The following NUFIP2 variants were observed in gnomAD, a reference collection of about 807,000 sequenced individuals.
NUFIP2 encodes nuclear FMR1 interacting protein 2.
In NUFIP2, 6 loss-of-function variants were observed where a neutral mutation model predicts 56.9. That is an observed-to-expected ratio of 0.11 (90% CI 0.06 to 0.21). The LOEUF (loss-of-function observed/expected upper bound fraction) is 0.21. Ranked by LOEUF, NUFIP2 falls within the 10% of genes least tolerant of loss-of-function variation. NUFIP2 has a pLI of 1.00. For synonymous variants in NUFIP2, 321 were observed against 298.2 expected (o/e 1.08, Z -0.79); for missense variants, 828 against 826.8 (o/e 1.00, Z -0.02).
At chr17:29,272,711 T>C (rs1050473860) in intron 2 of NUFIP2, among the ~76,000 whole-genome samples, 1 of 152,214 alleles carries the variant, frequency 6.6e-6, no homozygotes, top group African/African-American at 2.4e-5. Context: ...TTTGGAATGT[T>C]TCCATTATAT....
chr17:29,270,045 T>G (rs2069062525), intron 2 of NUFIP2, among the ~76,000 whole-genome samples: 1 of 152,102 alleles, frequency 6.6e-6, no homozygotes, highest in Non-Finnish European at 1.5e-5. Flanking sequence ...AAAAAATATT[T>G]TTTACAGTAC....
At chr17:29,285,547 C>T (rs1414904234) in intron 2 of NUFIP2, among the ~76,000 whole-genome samples, 2 of 151,946 alleles carry the variant, frequency 1.3e-5, no homozygotes, top group East Asian at 1.9e-4. Flanking sequence ...GCCGGGATTA[C>T]GCCACTGCAC....
Position 29,288,200 on chromosome 17 carries a change from C to T in NUFIP2, c.278-484G>A, listed in dbSNP as rs548536732. ...CTGGGACTACAGGCGCCCACCACCA[C>T]GCTCGGCTAATTCTTTTTGTATTTT... On this transcript the variant is annotated intron_variant, in intron 1 of 3. Transcript: ENST00000225388. Among the ~76,000 whole-genome samples, 23 of 152,340 alleles carry T rather than the reference C, an allele frequency of 1.5e-4. No homozygotes were observed. In the South Asian group the frequency reaches 3.5e-3, roughly 23 times the overall value.
intron 3 of NUFIP2, among the ~76,000 whole-genome samples, chr17:29,265,275 GTTTTTA>G (rs1364121945): frequency 6.0e-5 from 9 of 149,174 alleles, no homozygotes; most frequent in Non-Finnish European, 1.2e-4. Context: ...GAGGGGAACT[GTTTTTA>G]TTTTTATTTT....
chr17:29,288,731 T>C (rs1277244388), intron 1 of NUFIP2, among the ~76,000 whole-genome samples: 1 of 152,234 alleles, frequency 6.6e-6, no homozygotes, highest in African/African-American at 2.4e-5. Context: ...CGCCAGTCTA[T>C]CTGCAATCCA....
In NUFIP2 at chr17:29,256,556, C is replaced by T. The variant is rs1489814586; in HGVS notation, c.*7983G>A. The stretch of plus-strand genomic sequence containing the variant: ...AACCCTCTTCTGTATATTGAAAAAG[C>T]TATAAAATGGAAATATTTATTTTTT... On this transcript the variant is annotated 3_prime_UTR_variant, in exon 4 of 4. Coordinates refer to ENST00000225388, the MANE Select transcript of NUFIP2 (RefSeq NM_020772.3). The T allele has an allele frequency of 6.6e-6, 1 of 151,762 alleles. No individual in the cohort carries two copies. The highest frequency in any genetic ancestry group is 1.5e-5 in the Non-Finnish European group (1 of 67,974). 9.4% of individuals were successfully genotyped at this position (151,762 alleles called of 1,614,324 possible).
chr17:29,283,111 A>T (rs2069150239), intron 2 of NUFIP2, among the ~76,000 whole-genome samples: 1 of 152,156 alleles, frequency 6.6e-6, no homozygotes, highest in South Asian at 2.1e-4. Flanking sequence ...ACCTACAGCA[A>T]ATTTTTTCAT....
Position 29,287,235 on chromosome 17 carries a change from G to C in NUFIP2, c.759C>G (p.Thr253=), listed in dbSNP as rs1186931000. The C allele has an allele frequency of 1.2e-6, 2 of 1,614,010 alleles. No homozygotes were observed. Among genetic ancestry groups the C allele is most frequent in the Non-Finnish European group, 1.7e-6 (2 of 1,180,048 alleles). The change falls in exon 2 of 4, where the codon ACC becomes ACG. Residue 253 remains threonine (T), a synonymous_variant. Transcript: ENST00000225388. ...KIMQQETSVP[T]LKQGLETFKP... is the part of the protein sequence containing the mutation. ...TGAAAGTTTCAAGTCCCTGTTTTAA[G>C]GTTGGGACACTGGTCTCTTGTTGCA...
At position 29,258,825 on chromosome 17, in the gene NUFIP2, T is replaced by C. The variant is rs1162267723; in HGVS notation, c.*5714A>G. 1 of 152,190 alleles carries C rather than the reference T, an allele frequency of 6.6e-6. No individual in the cohort carries two copies. The highest frequency in any genetic ancestry group is 2.4e-5 in the African/African-American group (1 of 41,434). The allele number at this position is 152,190 out of a possible 1,614,324, so 9.4% of individuals were successfully genotyped here. A position where few individuals can be genotyped will look rare whatever the true frequency, so the allele number is the denominator to read the frequency against. ...GGTATATAGTAATGTAAAAAGTGCA[T>C]CACATTCTTGATTTTCAGTTTCTCA... is the stretch of plus-strand genomic sequence containing the variant. On this transcript the variant is annotated 3_prime_UTR_variant, in exon 4 of 4. Transcript: ENST00000225388.
At chr17:29,267,436 C>T (rs1270917469) in intron 3 of NUFIP2, 62 bp downstream of exon 3, 2 of 915,904 alleles carry the variant, frequency 2.2e-6, no homozygotes, top group Non-Finnish European at 3.4e-6. Flanking sequence ...GTTAATCCCA[C>T]CCAAAAATAA....
At chr17:29,273,700 TAA>T (rs943265344) in intron 2 of NUFIP2, among the ~76,000 whole-genome samples, 1 of 152,212 alleles carries the variant, frequency 6.6e-6, no homozygotes, top group African/African-American at 2.4e-5. Flanking sequence ...AGAACCTAAG[TAA>T]AAGTTTTTGC....
chr17:29,283,857 C>G (rs945957365), intron 2 of NUFIP2, among the ~76,000 whole-genome samples: 1 of 152,226 alleles, frequency 6.6e-6, no homozygotes, highest in African/African-American at 2.4e-5. Context: ...AAGAGCAGAG[C>G]TGGAGAATAA....
In NUFIP2 at chr17:29,293,817, G is replaced by C. The variant is rs1300013075; in HGVS notation, c.243C>G (p.Leu81=). The part of the protein sequence containing the change: ...KPLKHEQKHT[L]QQHQETPKKK... ...TCTTCGGCGTTTCCTGGTGCTGCTG[G>C]AGGGTGTGTTTCTGCTCATGTTTCA... The change falls in exon 1 of 4, where the codon CTC becomes CTG. Residue 81 remains leucine (L), a synonymous_variant. Coordinates refer to ENST00000225388, the MANE Select transcript of NUFIP2 (RefSeq NM_020772.3). 6.2e-7 allele frequency: 1 copy of C among 1,602,110 alleles called. No homozygotes were observed.
At chr17:29,284,597 G>A (rs949327209) in intron 2 of NUFIP2, among the ~76,000 whole-genome samples, 2 of 150,398 alleles carry the variant, frequency 1.3e-5, no homozygotes, top group African/African-American at 2.4e-5. Flanking sequence ...TCCCAGCTAC[G>A]TGGGAGGCTG....
intron 3 of NUFIP2, among the ~76,000 whole-genome samples, chr17:29,265,711 TA>T (rs35098158): frequency 0.57 from 63,972 of 111,818 alleles, 17,244 homozygotes; most frequent in East Asian, 0.79. Context: ...TATACATGCT[TA>T]AAAAAAAAAA....
chr17:29,266,221 C>T (rs907753108), intron 3 of NUFIP2, among the ~76,000 whole-genome samples: 4 of 152,194 alleles, frequency 2.6e-5, no homozygotes, highest in Non-Finnish European at 5.9e-5. Context: ...CCTGCCTCCG[C>T]CTCCCAAAGT....
At position 29,265,310 on chromosome 17, in the gene NUFIP2, T is replaced by A. The variant is rs7212006; in HGVS notation, c.2036-719A>T. Reference sequence around the variant, plus strand: ...TTATTTTTTTATTTTATTTTATTTTTTTTTTTTTTTGAGACGGAGTCTCGC... The same window carrying A: ...TTATTTTTTTATTTTATTTTATTTTATTTTTTTTTTGAGACGGAGTCTCGC... On this transcript the variant is annotated intron_variant, in intron 3 of 3. Coordinates refer to ENST00000225388, the MANE Select transcript of NUFIP2 (RefSeq NM_020772.3). Among the ~76,000 whole-genome samples the A allele has an allele frequency of 9.9e-3, 1,273 of 128,804 alleles. 15 individuals are homozygous for A. Among genetic ancestry groups the A allele is most frequent in the African/African-American group, 0.029 (1,028 of 35,890 alleles). 84.5% of individuals were successfully genotyped at this position (128,804 alleles called of 152,430 possible). A position where few individuals can be genotyped will look rare whatever the true frequency, so the allele number is the denominator to read the frequency against.
intron 1 of NUFIP2, among the ~76,000 whole-genome samples, chr17:29,292,607 C>A (rs1477738130): frequency 6.7e-6 from 1 of 150,154 alleles, no homozygotes; most frequent in Non-Finnish European, 1.5e-5. Context: ...CCCCCCGCCG[C>A]CCCCCCAGGC....
Position 29,268,701 on chromosome 17 carries a change from T to A in NUFIP2, c.2003-1171A>T, listed in dbSNP as rs533582898. Among the ~76,000 whole-genome samples the A allele has an allele frequency of 2.6e-3, 394 of 150,678 alleles. 1 individual carries two copies. Among genetic ancestry groups the A allele is most frequent in the South Asian group, 6.9e-3 (33 of 4,754 alleles). ...CTCAGATAATTTTGTATATATATATTTTTTTTTAGTAGAGAGGGGGTTTCT... is the reference window on the plus strand; with the variant it reads ...CTCAGATAATTTTGTATATATATATATTTTTTTAGTAGAGAGGGGGTTTCT... On this transcript the variant is annotated intron_variant, in intron 2 of 3. Transcript: ENST00000225388.
Sources: allele counts gnomAD v4.1 joint callset (sites outside exome capture counted in the v4.1 genomes callset), GRCh38; gene constraint gnomAD v4.1.1; transcripts MANE v1.5; gene names NCBI Gene and HGNC (gene_info 2026-07-23, HGNC 2026-07-21).